COL6A5: variants seen among roughly 807,000 people sequenced by gnomAD.
COL6A5 encodes the protein collagen type VI alpha 5 chain.
A neutral mutation model predicts 65.6 loss-of-function variants in COL6A5; 48 were observed. The observed-to-expected ratio is 0.73, with a 90% CI of 0.58 to 0.93. The LOEUF is 0.93. Ranked by LOEUF, COL6A5 falls within the 40% of genes least tolerant of loss-of-function variation. The pLI, the probability that COL6A5 is intolerant of heterozygous loss-of-function variation, is 0.00. For synonymous variants in COL6A5, 291 were observed against 322.8 expected, an observed-to-expected ratio of 0.90 and a Z score of 1.05; for missense variants, 914 against 928.3, an observed-to-expected ratio of 0.98 and a Z score of 0.20.
At chr3:130,376,574 C>G in exon 3 of COL6A5, 1 of 1,605,982 alleles carries the variant, frequency 6.2e-7, no homozygotes, top group South Asian at 1.1e-5. Flanking sequence ...AACAGTTTCC[C>G]CCAATTTTGG....
chr3:130,442,233 A>G (rs1224406271), intron 3 of COL6A5, among the ~76,000 whole-genome samples: 2 of 152,314 alleles, frequency 1.3e-5, no homozygotes, highest in Non-Finnish European at 2.9e-5. Flanking sequence ...TTTTGGATGT[A>G]TAGTAAATAT....
At chr3:130,360,925 T>C (rs191515599) in intron 1 of COL6A5, among the ~76,000 whole-genome samples, 13 of 152,144 alleles carry the variant, frequency 8.5e-5, no homozygotes, top group Admixed American at 2.0e-4. Flanking sequence ...TCCCAAAAAG[T>C]CTCTCGTGCC....
chr3:130,473,409 A>C (rs1018314208), intron 7 of COL6A5, among the ~76,000 whole-genome samples: 3 of 152,094 alleles, frequency 2.0e-5, no homozygotes, highest in African/African-American at 7.2e-5. Flanking sequence ...CTAGGAAAAG[A>C]GGCCCCATGC....
rs374746006 is a variant in COL6A5 at position 130,391,354 on chromosome 3, C to G, written c.2592C>G (p.Ile864Met). 4.0e-4 allele frequency: 615 copies of G among 1,551,688 alleles called. No individual in the cohort carries two copies. The highest frequency in any genetic ancestry group is 5.1e-4 in the Non-Finnish European group (588 of 1,146,990). The change falls in exon 7 of 42, where the codon ATC becomes ATG. Residue 864 changes from isoleucine (I) to methionine (M), a missense_variant and NMD_transcript_variant. Transcript: ENST00000312481. ...TCAAATACTCTGACCAACCTAACAT[C>G]CTTTTCTACCTTAATACATACTCGA...
At chr3:130,474,833 C>A (rs1428635693) in intron 7 of COL6A5, among the ~76,000 whole-genome samples, 1 of 150,822 alleles carries the variant, frequency 6.6e-6, no homozygotes, top group East Asian at 1.9e-4. Flanking sequence ...CATGGTGAGA[C>A]CCCATCTCAA....
At chr3:130,368,812 G>T (rs1011938316) in intron 1 of COL6A5, among the ~76,000 whole-genome samples, 3 of 152,136 alleles carry the variant, frequency 2.0e-5, no homozygotes, top group African/African-American at 4.8e-5. Flanking sequence ...GGAAAATAAG[G>T]CTAAATAATT....
rs774900406 is a variant in COL6A5, at chr3:130,440,644, GA to G, written c.1061del (p.Arg355GlyfsTer11). On this transcript the variant is annotated frameshift_variant, in exon 3 of 8. Transcript: ENST00000512836. LOFTEE classifies it high-confidence loss of function. Reference sequence around the variant, plus strand: ...AAGAATTTGTAAAAATGATGGCTTTGAGGGCTAAGTGTCAAGGCTACGTCAT... The same window carrying G: ...AAGAATTTGTAAAAATGATGGCTTTGGGGCTAAGTGTCAAGGCTACGTCAT... 6.8e-6 allele frequency: 11 copies of G among 1,613,418 alleles called. No individual in the cohort carries two copies. Among genetic ancestry groups the G allele is most frequent in the Non-Finnish European group, 9.3e-6 (11 of 1,179,712 alleles).
At chr3:130,399,835 C>A (rs914013520) in intron 10 of COL6A5, among the ~76,000 whole-genome samples, 1 of 152,100 alleles carries the variant, frequency 6.6e-6, no homozygotes, top group Non-Finnish European at 1.5e-5. Context: ...TCGCTGCAAC[C>A]TCTGCCTCCC....
chr3:130,391,730 C>G, exon 7 of COL6A5: 1 of 1,550,348 alleles, frequency 6.5e-7, no homozygotes, highest in Non-Finnish European at 8.7e-7. Context: ...TGTTCAAGAA[C>G]GTATGTGTAC....
intron 1 of COL6A5, among the ~76,000 whole-genome samples, chr3:130,434,323 A>C (rs1269307069): frequency 1.3e-5 from 2 of 152,048 alleles, no homozygotes; most frequent in Non-Finnish European, 2.9e-5. Flanking sequence ...CATTTTCTTT[A>C]TCCAGTCTAT....
rs1937062168 is a variant in COL6A5, at chr3:130,408,264, C to CG, written c.4480-1060dup. ...CACCCTGGGAAAACGAATGCATTCC[C>CG]GGTGTGGGGGTGGTGGCAGGGGGTG... On this transcript the variant is annotated intron_variant and NMD_transcript_variant, in intron 17 of 41. Transcript: ENST00000312481. 1.1e-4 allele frequency among the ~76,000 whole-genome samples: 3 copies of CG among 28,190 alleles called. No individual in the cohort carries two copies. The East Asian group carries it at 2.6e-3, about 24-fold the overall frequency. 18.5% of individuals were successfully genotyped at this position (28,190 alleles called of 152,430 possible). A position where few individuals can be genotyped will look rare whatever the true frequency, so the allele number is the denominator to read the frequency against.
At chr3:130,447,065 T>C (rs897219690) in intron 4 of COL6A5, among the ~76,000 whole-genome samples, 1 of 152,086 alleles carries the variant, frequency 6.6e-6, no homozygotes, top group African/African-American at 2.4e-5. Context: ...GCGATTCCAG[T>C]AATATGGGAA....
intron 17 of COL6A5, among the ~76,000 whole-genome samples, chr3:130,407,844 C>T (rs1937043771): frequency 6.6e-6 from 1 of 152,202 alleles, no homozygotes; most frequent in African/African-American, 2.4e-5. Flanking sequence ...TGCAGGAAGT[C>T]AGGGAACCCG....
rs1336053063 is a variant in COL6A5 at position 130,397,989 on chromosome 3, A to G, written c.3910-41A>G. ...CATTTGTTCTTCATTCCCCAATTAT[A>G]TATTTAGCTTTTACACCATACCATT... On this transcript the variant is annotated intron_variant and NMD_transcript_variant, in intron 9 of 41. Coordinates refer to the COL6A5 transcript ENST00000312481. The G allele has an allele frequency of 6.5e-6, 10 of 1,544,050 alleles. No homozygotes were observed. The East Asian group carries it at 9.8e-5, about 15-fold the overall frequency.
intron 1 of COL6A5, among the ~76,000 whole-genome samples, chr3:130,369,827 C>T (rs909191733): frequency 6.6e-6 from 1 of 152,210 alleles, no homozygotes; most frequent in Admixed American, 6.5e-5. Context: ...ATGCCCAGCC[C>T]TCAGCATGTG....
intron 23 of COL6A5, 32 bp downstream of exon 23, chr3:130,415,739 C>T (rs1937318903): frequency 6.7e-7 from 1 of 1,486,286 alleles, no homozygotes; most frequent in Non-Finnish European, 9.0e-7. Context: ...GGCTCAATGA[C>T]TCTCAACAGT....
At chr3:130,465,288 T>A (rs1374093608) in intron 5 of COL6A5, among the ~76,000 whole-genome samples, 2 of 151,692 alleles carry the variant, frequency 1.3e-5, no homozygotes, top group Non-Finnish European at 2.9e-5. Flanking sequence ...GTACAGAGAG[T>A]AAACCCCAGA....
chr3:130,417,182 G>C (rs1043218262), intron 24 of COL6A5, among the ~76,000 whole-genome samples: 2 of 152,052 alleles, frequency 1.3e-5, no homozygotes, highest in African/African-American at 4.8e-5. Context: ...AGAACATGCA[G>C]TGTTTGGTTT....
chr3:130,391,121 C>T, intron 6 of COL6A5, 58 bp from the exon 7 acceptor site: 1 of 1,249,818 alleles, frequency 8.0e-7, no homozygotes, highest in Non-Finnish European at 1.1e-6. Context: ...CCCTTCTCAG[C>T]ACCCTGCGTA....
Sources: gnomAD v4.1 joint callset for allele counts (sites outside exome capture counted in the v4.1 genomes callset) on GRCh38, gnomAD v4.1.1 for gene constraint, MANE v1.5 for transcripts, NCBI Gene and HGNC (gene_info 2026-07-23, HGNC 2026-07-21) for gene names.